Variants in ATG5 observed in about 807,000 individuals in gnomAD.
ATG5 encodes autophagy related 5.
Under a neutral mutation model 36.5 loss-of-function variants are expected in ATG5, and 14 were observed. The ratio of observed to expected loss-of-function variants is 0.38; its 90% confidence interval spans 0.25 to 0.60. ATG5 has a LOEUF of 0.60. ATG5 is among the 20% of genes least tolerant of loss of function. The pLI, the probability that ATG5 is intolerant of heterozygous loss-of-function variation, is 0.60. For synonymous variants in ATG5, 95 were observed against 101.5 expected (o/e 0.94, Z 0.38); for missense variants, 195 against 326.7 (o/e 0.60, Z 3.11).
chr6:106,289,785 C>A (rs1582659205), intron 4 of ATG5, among the ~76,000 whole-genome samples: 1 of 151,910 alleles, frequency 6.6e-6, no homozygotes, highest in East Asian at 1.9e-4. Context: ...ACAAAAAAAA[C>A]AGGAACACTG....
chr6:106,243,904 CTTTT>C (rs35701133), intron 6 of ATG5, among the ~76,000 whole-genome samples: 44 of 54,934 alleles, frequency 8.0e-4, no homozygotes, highest in East Asian at 6.4e-3. Context: ...AGGAACCATC[CTTTT>C]TTTTTTTTTT....
intron 5 of ATG5, among the ~76,000 whole-genome samples, chr6:106,276,399 G>A (rs962440119): frequency 2.7e-5 from 4 of 150,852 alleles, no homozygotes; most frequent in African/African-American, 9.7e-5. Context: ...GGGAAGCGGA[G>A]CTTGCAGTGA....
At chr6:106,215,959 TCTC>T (rs989302826) in intron 6 of ATG5, among the ~76,000 whole-genome samples, 3 of 152,204 alleles carry the variant, frequency 2.0e-5, no homozygotes, top group African/African-American at 7.2e-5. Context: ...TGAAGACAAT[TCTC>T]CTAAGAAATA....
chr6:106,324,531 T>C (rs1173710006), intron 1 of ATG5, among the ~76,000 whole-genome samples: 1 of 152,224 alleles, frequency 6.6e-6, no homozygotes, highest in East Asian at 1.9e-4. Context: ...CAGGGATTTT[T>C]ATTCTTTTGT....
At chr6:106,282,192 A>T (rs1779909692) in intron 4 of ATG5, among the ~76,000 whole-genome samples, 1 of 152,204 alleles carries the variant, frequency 6.6e-6, no homozygotes, top group Non-Finnish European at 1.5e-5. Context: ...TATGAGCTGT[A>T]CTCATCTACA....
intron 2 of ATG5, among the ~76,000 whole-genome samples, chr6:106,314,998 G>A (rs985471945): frequency 6.6e-6 from 1 of 152,140 alleles, no homozygotes; most frequent in Non-Finnish European, 1.5e-5. Context: ...CCCAACATGA[G>A]CCTGGGGAAA....
At chr6:106,308,581 G>T in intron 2 of ATG5, 90 bp from the exon 3 acceptor site, 1 of 1,022,334 alleles carries the variant, frequency 9.8e-7, no homozygotes, top group Non-Finnish European at 1.3e-6. Context: ...AGGAAAAACA[G>T]CCGTGTTCTT....
intron 5 of ATG5, among the ~76,000 whole-genome samples, chr6:106,265,230 C>T (rs1185201169): frequency 1.4e-5 from 2 of 142,496 alleles, no homozygotes; most frequent in Non-Finnish European, 3.1e-5. Context: ...AGACTTTAAA[C>T]CAACAAAGAT....
chr6:106,213,047 G>A (rs761434306), intron 6 of ATG5, among the ~76,000 whole-genome samples: 5 of 152,156 alleles, frequency 3.3e-5, no homozygotes, highest in African/African-American at 7.2e-5. Context: ...GTACAACAAC[G>A]ACTACTACTA....
At chr6:106,228,718 G>C (rs1332903063) in intron 6 of ATG5, among the ~76,000 whole-genome samples, 1 of 152,144 alleles carries the variant, frequency 6.6e-6, no homozygotes, top group Non-Finnish European at 1.5e-5. Flanking sequence ...ACTTTTGCTT[G>C]CTACTCTGGC....
At chr6:106,239,816 T>C (rs898522947) in intron 6 of ATG5, among the ~76,000 whole-genome samples, 2 of 152,186 alleles carry the variant, frequency 1.3e-5, no homozygotes, top group Admixed American at 6.5e-5. Flanking sequence ...CATTTGCAAA[T>C]TGTCTATAAA....
chr6:106,293,987 T>C (rs1483056263), intron 3 of ATG5, among the ~76,000 whole-genome samples: 1 of 151,962 alleles, frequency 6.6e-6, no homozygotes, highest in Non-Finnish European at 1.5e-5. Flanking sequence ...TTTCTTCAAA[T>C]TTTGGAATAT....
chr6:106,302,077 C>T (rs1770233003), intron 3 of ATG5, among the ~76,000 whole-genome samples: 2 of 151,684 alleles, frequency 1.3e-5, no homozygotes, highest in South Asian at 4.2e-4. Context: ...GTAGAGATGG[C>T]ACAAACGTAG....
intron 6 of ATG5, among the ~76,000 whole-genome samples, chr6:106,212,068 T>C (rs1192156849): frequency 1.3e-5 from 2 of 152,230 alleles, no homozygotes; most frequent in African/African-American, 2.4e-5. Context: ...AGTTCATTTA[T>C]TGATTAATCA....
chr6:106,267,108 CA>C (rs1321890716), intron 5 of ATG5, among the ~76,000 whole-genome samples: 1 of 152,152 alleles, frequency 6.6e-6, no homozygotes, highest in Non-Finnish European at 1.5e-5. Context: ...CGTCTCAGCC[CA>C]AAAACTCCTT....
chr6:106,294,006 T>C (rs1780431246), intron 3 of ATG5, among the ~76,000 whole-genome samples: 2 of 152,132 alleles, frequency 1.3e-5, no homozygotes, highest in Non-Finnish European at 2.9e-5. Flanking sequence ...ATTTGCATCA[T>C]ATTCTTACCA....
At chr6:106,290,104 G>A (rs1330718366) in intron 4 of ATG5, among the ~76,000 whole-genome samples, 1 of 151,670 alleles carries the variant, frequency 6.6e-6, no homozygotes, top group Non-Finnish European at 1.5e-5. Flanking sequence ...ACAGCTCAAT[G>A]TAACCTCAAA....
At chr6:106,193,388 C>T (rs1776044942) in intron 7 of ATG5, among the ~76,000 whole-genome samples, 1 of 152,096 alleles carries the variant, frequency 6.6e-6, no homozygotes, top group Admixed American at 6.6e-5. Context: ...TGACTCTTAA[C>T]ATTTTAAACA....
chr6:106,231,748 C>T (rs146871812), intron 6 of ATG5, among the ~76,000 whole-genome samples: 237 of 152,050 alleles, frequency 1.6e-3, no homozygotes, highest in African/African-American at 5.5e-3. Context: ...GCCTTAGGCC[C>T]GGAACAAAAC....
Sources: gnomAD v4.1 joint callset for allele counts (sites outside exome capture counted in the v4.1 genomes callset) on GRCh38, gnomAD v4.1.1 for gene constraint, MANE v1.5 for transcripts, NCBI Gene and HGNC (gene_info 2026-07-23, HGNC 2026-07-21) for gene names.